CREB5: variants seen among roughly 807,000 people sequenced by gnomAD.
CREB5 encodes cyclic AMP-responsive element-binding protein 5.
In CREB5, 19 loss-of-function variants were observed where a neutral mutation model predicts 57.1. The observed-to-expected ratio is 0.33, with a 90% CI of 0.23 to 0.49. The LOEUF (loss-of-function observed/expected upper bound fraction) is 0.49. Among genes scored for constraint, CREB5 ranks in the 20% least tolerant of loss-of-function variants. The pLI is 0.99. For synonymous variants in CREB5, 238 were observed against 238.3 expected (o/e 1.00, Z 0.01); for missense variants, 579 against 671.6 (o/e 0.86, Z 1.52).
chr7:28,582,099 G>A (rs1317354310), intron 5 of CREB5, among the ~76,000 whole-genome samples: 1 of 152,186 alleles, frequency 6.6e-6, no homozygotes, highest in African/African-American at 2.4e-5. Context: ...CTGTTTAGTG[G>A]GAAAATATTG....
At chr7:28,810,540 A>C (rs2282913) in intron 9 of CREB5, among the ~76,000 whole-genome samples, 128,359 of 151,466 alleles carry the variant, frequency 0.85, 55,174 homozygotes, top group African/African-American at 0.94. Context: ...TAAAAACACA[A>C]AAAAAAATTG....
intron 4 of CREB5, among the ~76,000 whole-genome samples, chr7:28,509,070 A>G (rs1004020666): frequency 2.0e-5 from 3 of 150,794 alleles, no homozygotes; most frequent in Non-Finnish European, 4.4e-5. Context: ...TGAGTAATAA[A>G]TTTTTTTTTT....
intron 1 of CREB5, among the ~76,000 whole-genome samples, chr7:28,359,370 A>T (rs1786414155): frequency 6.6e-6 from 1 of 152,204 alleles, no homozygotes; most frequent in Non-Finnish European, 1.5e-5. Context: ...GAGCGTTGTC[A>T]GAGACACTAA....
intron 5 of CREB5, among the ~76,000 whole-genome samples, chr7:28,692,386 C>T (rs929298607): frequency 1.4e-4 from 22 of 152,250 alleles, no homozygotes; most frequent in Admixed American, 1.3e-3. Flanking sequence ...CACTTGAGGT[C>T]GGGAGTTCAA....
At chr7:28,730,013 T>C (rs1352842730) in intron 7 of CREB5, among the ~76,000 whole-genome samples, 1 of 152,206 alleles carries the variant, frequency 6.6e-6, no homozygotes, top group Non-Finnish European at 1.5e-5. Flanking sequence ...GTCTCACTTG[T>C]ATGTATGCTG....
chr7:28,701,825 C>A (rs771350318), intron 5 of CREB5, among the ~76,000 whole-genome samples: 1 of 151,958 alleles, frequency 6.6e-6, no homozygotes, highest in African/African-American at 2.4e-5. Context: ...GTTTCCAGGA[C>A]GTTGTAAAAC....
At chr7:28,585,816 C>G (rs920730543) in intron 5 of CREB5, among the ~76,000 whole-genome samples, 4 of 152,102 alleles carry the variant, frequency 2.6e-5, no homozygotes. Context: ...GTCTGAGGCT[C>G]TCATTGAGTC....
intron 7 of CREB5, among the ~76,000 whole-genome samples, chr7:28,776,112 C>T (rs1370863421): frequency 2.0e-5 from 3 of 151,902 alleles, no homozygotes; most frequent in Non-Finnish European, 4.4e-5. Context: ...CCGAGGCGGG[C>T]GGATCATGAG....
rs112698230 is a variant in CREB5 at position 28,740,458 on chromosome 7, G to A, written c.702+16126G>A. Among the ~76,000 whole-genome samples, 385 of 152,228 alleles carry A rather than the reference G, an allele frequency of 2.5e-3. 2 individuals carry two copies. Among genetic ancestry groups the A allele is most frequent in the African/African-American group, 8.7e-3 (360 of 41,540 alleles). ...CTTGGTCCTCCATTTCTAGGGGTAC[G>A]ATGTTCTCTGTTGTTTGGGAAACAC... On this transcript the variant is annotated intron_variant, in intron 7 of 10. Transcript: ENST00000357727.
At position 28,365,385 on chromosome 7, in the gene CREB5, C is replaced by T. The variant is rs1025900445; in HGVS notation, c.-25+65944C>T. On this transcript the variant is annotated intron_variant, in intron 1 of 9. Transcript: ENST00000396299. ...CTTCACTTGTGCTTTGGATCCCACA[C>T]CCTCACCTTTGCTCCCGGAATTATC... 4.0e-4 allele frequency among the ~76,000 whole-genome samples: 61 copies of T among 152,096 alleles called. 1 individual carries two copies. The highest frequency in any genetic ancestry group is 1.5e-3 in the African/African-American group (61 of 41,420).
chr7:28,787,044 G>T (rs545692629), intron 7 of CREB5, among the ~76,000 whole-genome samples: 1 of 152,148 alleles, frequency 6.6e-6, no homozygotes, highest in African/African-American at 2.4e-5. Context: ...ATTTAGCGAC[G>T]GCCTGGATAA....
intron 5 of CREB5, among the ~76,000 whole-genome samples, chr7:28,637,301 T>C (rs1798461352): frequency 6.6e-6 from 1 of 152,202 alleles, no homozygotes; most frequent in Admixed American, 6.5e-5. Flanking sequence ...CATTCATTTA[T>C]TCATTCACTC....
intron 5 of CREB5, among the ~76,000 whole-genome samples, chr7:28,690,526 A>G (rs10267387): frequency 0.12 from 17,769 of 152,198 alleles, 1,127 homozygotes; most frequent in Non-Finnish European, 0.14. Context: ...CCTGGATTCA[A>G]TCACTCTTCT....
intron 3 of CREB5, among the ~76,000 whole-genome samples, chr7:28,499,077 T>C (rs1156724328): frequency 6.6e-6 from 1 of 151,774 alleles, no homozygotes. Flanking sequence ...TTGAGTCTAT[T>C]TCCATGGTAG....
chr7:28,405,647 G>A (rs1787563251), intron 1 of CREB5, among the ~76,000 whole-genome samples: 1 of 152,226 alleles, frequency 6.6e-6, no homozygotes, highest in South Asian at 2.1e-4. Context: ...GAACTCCCAG[G>A]CTCAAGTTAT....
chr7:28,434,322 G>A (rs1353477141), intron 1 of CREB5, among the ~76,000 whole-genome samples: 2 of 152,104 alleles, frequency 1.3e-5, no homozygotes, highest in East Asian at 3.8e-4. Flanking sequence ...TTATCATAAT[G>A]ATTCGATTAT....
chr7:28,638,595 C>G (rs1798521300), intron 5 of CREB5, among the ~76,000 whole-genome samples: 1 of 152,102 alleles, frequency 6.6e-6, no homozygotes, highest in Non-Finnish European at 1.5e-5. Context: ...CATCCACCAG[C>G]CTCAGCCTCC....
chr7:28,455,382 T>C (rs1790048121), intron 1 of CREB5, among the ~76,000 whole-genome samples: 1 of 152,192 alleles, frequency 6.6e-6, no homozygotes, highest in Non-Finnish European at 1.5e-5. Context: ...AATTTCCTCA[T>C]GGTAGCATTT....
At chr7:28,582,488 T>C (rs1485542881) in intron 5 of CREB5, among the ~76,000 whole-genome samples, 3 of 152,238 alleles carry the variant, frequency 2.0e-5, no homozygotes, top group Admixed American at 2.0e-4. Context: ...AGTCTTATGA[T>C]AGGAAGCTTG....
Sources: allele counts gnomAD v4.1 joint callset (sites outside exome capture counted in the v4.1 genomes callset), GRCh38; gene constraint gnomAD v4.1.1; transcripts MANE v1.5; gene names NCBI Gene and HGNC (gene_info 2026-07-23, HGNC 2026-07-21).